Variants in CDC40 observed in about 807,000 individuals in gnomAD.
CDC40 encodes pre-mRNA-processing factor 17.
A neutral mutation model predicts 80.6 loss-of-function variants in CDC40; 27 were observed. That is an observed-to-expected ratio of 0.33 (90% CI 0.25 to 0.46). CDC40 has a LOEUF of 0.46. CDC40 is among the 20% of genes least tolerant of loss of function. The probability of loss-of-function intolerance (pLI) is 1.00; values close to 1 mark genes in which losing one functional copy is unlikely to be tolerated. For missense variants in CDC40, 486 were observed against 694.1 expected (o/e 0.70, Z 3.37); for synonymous variants, 221 against 232.6 (o/e 0.95, Z 0.45).
At position 110,193,183 on chromosome 6, in the gene CDC40, A is replaced by G; in HGVS notation, c.191A>G (p.Glu64Gly). Residue 64 changes from glutamate (E) to glycine (G), a missense_variant and splice_region_variant, in exon 2 of 15, where the codon GAA (glutamate) becomes GGA (glycine). This residue lies in a region of CDC40 where 381 missense variants were observed against 492.1 expected (regional missense o/e 0.77). Coordinates refer to ENST00000307731, the MANE Select transcript of CDC40 (RefSeq NM_015891.3). ...VDSAPEVAVK[E>G]DLETGVHLDP... is the part of the protein sequence containing the mutation. The stretch of plus-strand genomic sequence containing the variant: ...ATATTTATTTGGTATTCTTTTTAGG[A>G]AGATTTGGAGACTGGAGTTCACCTT... 1.3e-6 allele frequency: 2 copies of G among 1,577,928 alleles called. No homozygotes were observed. The highest frequency in any genetic ancestry group is 2.2e-5 in the South Asian group (2 of 90,086).
intron 3 of CDC40, 23 bp from the exon 4 acceptor site, chr6:110,207,483 A>G (rs751323066): frequency 1.6e-6 from 2 of 1,253,454 alleles, no homozygotes; most frequent in South Asian, 1.3e-5. Context: ...TGGAGTTAAT[A>G]ATTTTCACTT....
intron 8 of CDC40, among the ~76,000 whole-genome samples, chr6:110,213,712 C>T (rs1777666197): frequency 6.6e-6 from 1 of 152,150 alleles, no homozygotes; most frequent in Admixed American, 6.5e-5. Context: ...TTAGAAATCC[C>T]ATTTTTAGAA....
intron 2 of CDC40, among the ~76,000 whole-genome samples, chr6:110,199,836 G>C (rs1777472310): frequency 1.3e-5 from 2 of 151,780 alleles, no homozygotes; most frequent in African/African-American, 4.8e-5. Flanking sequence ...CCCCACCTCT[G>C]ACCAGAAATA....
At position 110,231,075 on chromosome 6, in the gene CDC40, T is replaced by C. The variant is rs1204503054; in HGVS notation, c.*944T>C. ...ACCTGTGAATATATACAACAGAACTTTTTAAGATTAAAAAATTTTTAAACC... is the reference window on the plus strand; with the variant it reads ...ACCTGTGAATATATACAACAGAACTCTTTAAGATTAAAAAATTTTTAAACC... On this transcript the variant is annotated 3_prime_UTR_variant, in exon 15 of 15. Transcript: ENST00000307731. 1 of 152,236 alleles carries C rather than the reference T, an allele frequency of 6.6e-6. No individual in the cohort carries two copies. The highest frequency in any genetic ancestry group is 1.5e-5 in the Non-Finnish European group (1 of 68,046). 9.4% of individuals were successfully genotyped at this position (152,236 alleles called of 1,614,324 possible).
At chr6:110,195,732 A>G (rs1777410715) in intron 2 of CDC40, among the ~76,000 whole-genome samples, 1 of 152,186 alleles carries the variant, frequency 6.6e-6, no homozygotes, top group Admixed American at 6.5e-5. Flanking sequence ...CAAGAAGAGA[A>G]CAAACAGCAT....
chr6:110,206,006 A>G (rs1251270365), intron 3 of CDC40, among the ~76,000 whole-genome samples: 1 of 152,234 alleles, frequency 6.6e-6, no homozygotes, highest in Admixed American at 6.5e-5. Flanking sequence ...AAATCAGCTA[A>G]TAGCCAGGTG....
At chr6:110,227,676 CAATA>C (rs1421591245) in intron 13 of CDC40, among the ~76,000 whole-genome samples, 1 of 151,852 alleles carries the variant, frequency 6.6e-6, no homozygotes, top group African/African-American at 2.4e-5. Context: ...ACAAAATAAA[CAATA>C]AAAAATAACA....
At chr6:110,185,312 G>A (rs1377623523) in intron 1 of CDC40, among the ~76,000 whole-genome samples, 3 of 140,204 alleles carry the variant, frequency 2.1e-5, no homozygotes, top group African/African-American at 5.4e-5. Flanking sequence ...GCGGGATCTC[G>A]GCTCACTGCA....
intron 9 of CDC40, 152 bp from the exon 10 acceptor site, chr6:110,217,550 A>G (rs920877253): frequency 1.7e-6 from 1 of 581,860 alleles, no homozygotes; most frequent in African/African-American, 1.9e-5. Flanking sequence ...ACATATTCTA[A>G]GTCAGTAAAT....
intron 14 of CDC40, 91 bp downstream of exon 14, chr6:110,229,067 A>G (rs186305388): frequency 1.5e-5 from 15 of 1,032,052 alleles, no homozygotes; most frequent in South Asian, 4.7e-5. Context: ...TCACTCTCAC[A>G]TAATATGTTT....
intron 1 of CDC40, among the ~76,000 whole-genome samples, chr6:110,182,628 G>T (rs1033729028): frequency 6.6e-6 from 1 of 152,096 alleles, no homozygotes; most frequent in Non-Finnish European, 1.5e-5. Context: ...ATTTTCACTG[G>T]TGCAGGCTTC....
chr6:110,215,068 C>T (rs547434874), intron 8 of CDC40, among the ~76,000 whole-genome samples: 3 of 152,208 alleles, frequency 2.0e-5, no homozygotes, highest in African/African-American at 4.8e-5. Context: ...TAGTTTTGAG[C>T]GTGTGTGACT....
chr6:110,186,027 A>C (rs1471412907), intron 1 of CDC40, among the ~76,000 whole-genome samples: 1 of 152,178 alleles, frequency 6.6e-6, no homozygotes, highest in African/African-American at 2.4e-5. Flanking sequence ...CGAGAACCTT[A>C]GAACCCTTGA....
intron 12 of CDC40, among the ~76,000 whole-genome samples, chr6:110,223,230 G>A (rs1405157417): frequency 6.6e-6 from 1 of 152,068 alleles, no homozygotes; most frequent in Non-Finnish European, 1.5e-5. Context: ...GACTACAGGT[G>A]CGTGCCACCA....
chr6:110,184,161 A>G (rs77563612), intron 1 of CDC40, among the ~76,000 whole-genome samples: 4,998 of 152,318 alleles, frequency 0.033, 146 homozygotes, highest in South Asian at 0.12. Context: ...ACTTTTGTCT[A>G]TAGTGCGAAC....
At chr6:110,204,639 T>A (rs1777537496) in intron 3 of CDC40, among the ~76,000 whole-genome samples, 1 of 151,310 alleles carries the variant, frequency 6.6e-6, no homozygotes, top group Non-Finnish European at 1.5e-5. Context: ...ACCACCACAG[T>A]GTATAAAAGT....
chr6:110,231,087 A>C lies in CDC40; in HGVS notation c.*956A>C, dbSNP rs1777930855. The stretch of plus-strand genomic sequence containing the variant: ...ATACAACAGAACTTTTTAAGATTAA[A>C]AAATTTTTAAACCTCTATGTCTGAA... On this transcript the variant is annotated 3_prime_UTR_variant, in exon 15 of 15. Coordinates refer to ENST00000307731, the MANE Select transcript of CDC40 (RefSeq NM_015891.3). 1.3e-5 allele frequency: 2 copies of C among 152,252 alleles called. No homozygotes were observed. The allele number at this position is 152,252 out of a possible 1,614,324, so 9.4% of individuals were successfully genotyped here.
intron 3 of CDC40, among the ~76,000 whole-genome samples, chr6:110,202,033 T>C (rs1025366747): frequency 6.6e-6 from 1 of 152,180 alleles, no homozygotes; most frequent in Non-Finnish European, 1.5e-5. Context: ...TGTTAAGAGG[T>C]TACTTTTTTA....
At chr6:110,206,141 T>C (rs573405840) in intron 3 of CDC40, among the ~76,000 whole-genome samples, 1 of 152,274 alleles carries the variant, frequency 6.6e-6, no homozygotes, top group South Asian at 2.1e-4. Context: ...ATTCTGTTTT[T>C]TTGTGTGTGT....
Sources: allele counts gnomAD v4.1 joint callset (sites outside exome capture counted in the v4.1 genomes callset), GRCh38; gene constraint gnomAD v4.1.1; regional missense constraint gnomAD v4.1.1; transcripts MANE v1.5; gene names NCBI Gene and HGNC (gene_info 2026-07-23, HGNC 2026-07-21).